TENT5C: variants seen among roughly 807,000 people sequenced by gnomAD.
TENT5C encodes family with sequence similarity 46 member C.
Under a neutral mutation model 22.2 loss-of-function variants are expected in TENT5C, and 5 were observed. The ratio of observed to expected loss-of-function variants is 0.22; its 90% CI spans 0.12 to 0.47. The LOEUF is 0.47. TENT5C is among the 20% of genes least tolerant of loss of function. The probability of loss-of-function intolerance (pLI) is 0.99; values close to 1 mark genes in which losing one functional copy is unlikely to be tolerated. For missense variants in TENT5C, 364 were observed against 500.9 expected, an observed-to-expected ratio of 0.73 and a Z score of 2.61; for synonymous variants, 199 against 195.4, an observed-to-expected ratio of 1.02 and a Z score of -0.15.
chr1:117,616,499 A>G (rs560349675), intron 1 of TENT5C, among the ~76,000 whole-genome samples: 1 of 152,290 alleles, frequency 6.6e-6, no homozygotes, highest in Admixed American at 6.5e-5. Context: ...TTTGTGTGGA[A>G]GATGTGTGGG....
At chr1:117,612,610 A>C (rs1442686988) in intron 1 of TENT5C, among the ~76,000 whole-genome samples, 3 of 152,216 alleles carry the variant, frequency 2.0e-5, no homozygotes, top group Non-Finnish European at 4.4e-5. Flanking sequence ...CAGTACCTGG[A>C]GGCCCGGAAC....
Position 117,623,580 on chromosome 1 carries a change from G to A in TENT5C, c.712G>A (p.Glu238Lys). Residue 238 changes from glutamate to lysine, a missense_variant, in exon 2 of 2, where the codon GAA (glutamate) becomes AAA (lysine). By Grantham distance (56) the Glu-to-Lys change is moderately conservative. Transcript: ENST00000369448. ...ACTGATCGCCACCAAGAACCCAGAA[G>A]AAATCAGAGGCGGGGGACTTCTCAA... The part of the protein sequence containing the change: ...NRLIATKNPE[E>K]IRGGGLLKYS... 1 of 1,613,954 alleles carries A rather than the reference G, an allele frequency of 6.2e-7. No homozygotes were observed. The highest frequency in any genetic ancestry group is 8.5e-7 in the Non-Finnish European group (1 of 1,180,008).
intron 1 of TENT5C, among the ~76,000 whole-genome samples, chr1:117,616,878 C>G (rs1022604368): frequency 2.4e-4 from 36 of 152,306 alleles, no homozygotes; most frequent in African/African-American, 8.2e-4. Flanking sequence ...TAGACAATCA[C>G]TTCCATAGCT....
chr1:117,626,455 T>C lies in TENT5C; in HGVS notation c.*2411T>C, dbSNP rs180770096. On this transcript the variant is annotated 3_prime_UTR_variant, in exon 2 of 2. Transcript: ENST00000369448. The stretch of plus-strand genomic sequence containing the variant: ...CTCAGATCTTTTTGTAGTTTGAGAA[T>C]AGACCTATTCAAGAGCTATCAGGGT... 4.8e-3 allele frequency: 1,187 copies of C among 247,968 alleles called. 5 individuals carry two copies. Among genetic ancestry groups the C allele is most frequent in the Non-Finnish European group, 6.9e-3 (814 of 117,984 alleles). The allele number at this position is 247,968 out of a possible 1,614,324, so 15.4% of individuals were successfully genotyped here. A position where few individuals can be genotyped will look rare whatever the true frequency, so the allele number is the denominator to read the frequency against.
chr1:117,610,623 G>A (rs1283626465), intron 1 of TENT5C, among the ~76,000 whole-genome samples: 4 of 152,206 alleles, frequency 2.6e-5, no homozygotes, highest in African/African-American at 9.7e-5. Flanking sequence ...CACCTCGTGG[G>A]TTCAAGCGAT....
Position 117,624,179 on chromosome 1 carries a change from T to TG in TENT5C, c.*135_*136insG, listed in dbSNP as rs1653960084. 2 of 776,082 alleles carry TG rather than the reference T, an allele frequency of 2.6e-6. No homozygotes were observed. Among genetic ancestry groups the TG allele is most frequent in the East Asian group, 2.7e-5 (1 of 36,996 alleles). 48.1% of individuals were successfully genotyped at this position (776,082 alleles called of 1,614,324 possible). On this transcript the variant is annotated 3_prime_UTR_variant, in exon 2 of 2. Transcript: ENST00000369448. Reference sequence around the variant, plus strand: ...TCTGATTCTGCTTTTTTTTTTTTTTTTCCTTTGTGTACCCATTGGAATGGG... The same window carrying TG: ...TCTGATTCTGCTTTTTTTTTTTTTTTGTCCTTTGTGTACCCATTGGAATGGG...
At chr1:117,620,889 C>G (rs372462084) in intron 1 of TENT5C, among the ~76,000 whole-genome samples, 4 of 152,162 alleles carry the variant, frequency 2.6e-5, no homozygotes, top group African/African-American at 9.7e-5. Flanking sequence ...AAACTGGTTC[C>G]TGATACCAAA....
chr1:117,623,930 C>T lies in TENT5C; in HGVS notation c.1062C>T (p.Thr354=), dbSNP rs770211681. ...TCATCCCCAGTGCCACCAACGTCAC[C>T]TGTTACTACCAGCCGGCCCCTTACG... ...QNIIPSATNV[T]CYYQPAPYVS... The change falls in exon 2 of 2, where the codon ACC becomes ACT. Residue 354 remains threonine, a synonymous_variant. Coordinates refer to ENST00000369448, the MANE Select transcript of TENT5C (RefSeq NM_017709.4). 6.2e-7 allele frequency: 1 copy of T among 1,614,134 alleles called. No homozygotes were observed. The highest frequency in any genetic ancestry group is 8.5e-7 in the Non-Finnish European group (1 of 1,180,022).
intron 1 of TENT5C, among the ~76,000 whole-genome samples, chr1:117,612,435 A>G (rs2101074116): frequency 6.6e-6 from 1 of 152,132 alleles, no homozygotes; most frequent in African/African-American, 2.4e-5. Context: ...TGAGACTGGC[A>G]GGGGACCAGG....
At chr1:117,607,037 G>C (rs1558004029) in intron 1 of TENT5C, among the ~76,000 whole-genome samples, 1 of 152,204 alleles carries the variant, frequency 6.6e-6, no homozygotes, top group South Asian at 2.1e-4. Flanking sequence ...GACTCCCTTC[G>C]CACTGGTCGC....
chr1:117,617,456 G>A (rs1241790683), intron 1 of TENT5C, among the ~76,000 whole-genome samples: 1 of 151,370 alleles, frequency 6.6e-6, no homozygotes, highest in Non-Finnish European at 1.5e-5. Context: ...AAGGGAGTAC[G>A]AAAGTACCTG....
chr1:117,618,465 GAA>G (rs953454326), intron 1 of TENT5C, among the ~76,000 whole-genome samples: 12 of 147,740 alleles, frequency 8.1e-5, no homozygotes, highest in African/African-American at 2.9e-4. Context: ...CATTCTAAAG[GAA>G]AAGAGTCTCT....
Position 117,623,536 on chromosome 1 carries a change from T to C in TENT5C, c.668T>C (p.Phe223Ser). 6.2e-7 allele frequency: 1 copy of C among 1,614,044 alleles called. No homozygotes were observed. Among genetic ancestry groups the C allele is most frequent in the Non-Finnish European group, 8.5e-7 (1 of 1,180,022 alleles). Reference sequence around the variant, plus strand: ...ATGTACGGGGACTTTGAGGAAGCTTTTGACCATCTGCAGAACAGACTGATC... The same window carrying C: ...ATGTACGGGGACTTTGAGGAAGCTTCTGACCATCTGCAGAACAGACTGATC... ...ESMYGDFEEA[F>S]DHLQNRLIAT... is the part of the protein sequence containing the mutation. Residue 223 changes from phenylalanine (F) to serine (S), a missense_variant, in exon 2 of 2, where the codon TTT becomes TCT. By Grantham distance (155) the Phe-to-Ser change is radical. Transcript: ENST00000369448.
chr1:117,607,722 T>C (rs1421472485), intron 1 of TENT5C, among the ~76,000 whole-genome samples: 1 of 152,158 alleles, frequency 6.6e-6, no homozygotes, highest in Admixed American at 6.5e-5. Context: ...AGAATTTTAC[T>C]GTCTTAAATC....
intron 1 of TENT5C, among the ~76,000 whole-genome samples, chr1:117,618,577 A>G (rs1653834369): frequency 6.6e-6 from 1 of 150,552 alleles, no homozygotes; most frequent in Admixed American, 6.6e-5. Context: ...GTGGGAATGC[A>G]GAATGTGGAA....
rs1654057510 is a variant in TENT5C at position 117,628,281 on chromosome 1, G to A, written c.*4237G>A. 1 of 246,906 alleles carries A rather than the reference G, an allele frequency of 4.1e-6. No homozygotes were observed. The highest frequency in any genetic ancestry group is 1.8e-4 in the South Asian group (1 of 5,516). The allele number at this position is 246,906 out of a possible 1,614,324, so 15.3% of individuals were successfully genotyped here. On this transcript the variant is annotated 3_prime_UTR_variant, in exon 2 of 2. Coordinates refer to ENST00000369448, the MANE Select transcript of TENT5C (RefSeq NM_017709.4). Reference sequence around the variant, plus strand: ...GTGGTGGTCACTAACCTTACTTGATGCAGATAAAATCACTTGTCAATGCAA... The same window carrying A: ...GTGGTGGTCACTAACCTTACTTGATACAGATAAAATCACTTGTCAATGCAA...
chr1:117,622,149 C>A (rs10923357), intron 1 of TENT5C, among the ~76,000 whole-genome samples: 4 of 152,058 alleles, frequency 2.6e-5, no homozygotes, highest in South Asian at 2.1e-4. Flanking sequence ...TGGTTCTACC[C>A]TAGATGACAA....
Position 117,623,232 on chromosome 1 carries a change from G to A in TENT5C, c.364G>A (p.Glu122Lys). Reference protein sequence around the residue: ...VLCSLLNFLPEGVNKLKISPV... With the variant: ...VLCSLLNFLPKGVNKLKISPV... ...GTGTTCCCTTCTGAACTTCCTGCCAGAGGGTGTGAACAAGCTCAAAATCAG... is the reference window on the plus strand; with the variant it reads ...GTGTTCCCTTCTGAACTTCCTGCCAAAGGGTGTGAACAAGCTCAAAATCAG... Residue 122 changes from glutamate (E) to lysine (K), a missense_variant, in exon 2 of 2, where the codon GAG becomes AAG. This residue lies in a region of TENT5C where 303 missense variants were observed against 394.5 expected (regional missense o/e 0.77). Coordinates refer to ENST00000369448, the MANE Select transcript of TENT5C (RefSeq NM_017709.4). 1 of 1,614,218 alleles carries A rather than the reference G, an allele frequency of 6.2e-7. No homozygotes were observed. Among genetic ancestry groups the A allele is most frequent in the East Asian group, 2.2e-5 (1 of 44,880 alleles).
intron 1 of TENT5C, among the ~76,000 whole-genome samples, chr1:117,608,863 A>G (rs1236958681): frequency 6.6e-6 from 1 of 151,332 alleles, no homozygotes; most frequent in Non-Finnish European, 1.5e-5. Context: ...TTGGTTTCAC[A>G]CCTGTCTCTG....
Sources: allele counts gnomAD v4.1 joint callset (sites outside exome capture counted in the v4.1 genomes callset), GRCh38; gene constraint gnomAD v4.1.1; regional missense constraint gnomAD v4.1.1; transcripts MANE v1.5; gene names NCBI Gene and HGNC (gene_info 2026-07-23, HGNC 2026-07-21).